Variants in BCL7C observed in about 807,000 individuals in gnomAD.
The protein encoded by BCL7C is BAF chromatin remodeling complex subunit BCL7C.
In BCL7C, 8 loss-of-function variants were observed where a neutral mutation model predicts 26.2. That is an observed-to-expected ratio of 0.30 (90% CI 0.18 to 0.55). BCL7C has a LOEUF of 0.55. Among genes scored for constraint, BCL7C ranks in the 20% least tolerant of loss-of-function variants. The pLI, the probability that BCL7C is intolerant of heterozygous loss-of-function variation, is 0.93. For synonymous variants in BCL7C, 90 were observed against 116.5 expected, an observed-to-expected ratio of 0.77 and a Z score of 1.47; for missense variants, 262 against 298.5, an observed-to-expected ratio of 0.88 and a Z score of 0.90.
At chr16:30,880,359 C>T (rs2055024066) in intron 5 of BCL7C, among the ~76,000 whole-genome samples, 1 of 151,664 alleles carries the variant, frequency 6.6e-6, no homozygotes, top group African/African-American at 2.4e-5. Context: ...GTGAACATGC[C>T]ACTGCACTCC....
intron 5 of BCL7C, among the ~76,000 whole-genome samples, chr16:30,848,891 C>CA (rs58484131): frequency 2.0e-4 from 27 of 131,808 alleles, no homozygotes; most frequent in African/African-American, 6.8e-4. Flanking sequence ...GACTCCATCA[C>CA]AAAAAAAAAA....
At position 30,872,243 on chromosome 16, in the gene BCL7C, G is replaced by A. The variant is rs538562901; in HGVS notation, c.528+16617C>T. 4.6e-5 allele frequency among the ~76,000 whole-genome samples: 7 copies of A among 152,184 alleles called. No homozygotes were observed. The East Asian group carries it at 1.2e-3, about 25-fold the overall frequency. ...GAGGGAGTCATGGTGAATACCCTGC[G>A]GCTGTGCTCCAGGAAAGTGGTCAGT... On this transcript the variant is annotated intron_variant, in intron 5 of 5. Coordinates refer to the BCL7C transcript ENST00000380317.
At chr16:30,846,751 G>A (rs1035861192) in intron 5 of BCL7C, among the ~76,000 whole-genome samples, 1 of 152,212 alleles carries the variant, frequency 6.6e-6, no homozygotes, top group Non-Finnish European at 1.5e-5. Flanking sequence ...CAGACCTGTG[G>A]AGATGGATTT....
chr16:30,888,463 A>T (rs2055170910), intron 5 of BCL7C, among the ~76,000 whole-genome samples: 1 of 151,874 alleles, frequency 6.6e-6, no homozygotes, highest in Non-Finnish European at 1.5e-5. Context: ...TAGCCTCCCG[A>T]GTAGCTGGGA....
intron 5 of BCL7C, among the ~76,000 whole-genome samples, chr16:30,839,859 C>T (rs1052941225): frequency 1.3e-5 from 2 of 152,118 alleles, no homozygotes; most frequent in Admixed American, 6.6e-5. Flanking sequence ...CTGCTAAATG[C>T]GTAGTAATTT....
At chr16:30,838,895 C>A (rs2054585514) in intron 5 of BCL7C, among the ~76,000 whole-genome samples, 1 of 152,180 alleles carries the variant, frequency 6.6e-6, no homozygotes, top group South Asian at 2.1e-4. Flanking sequence ...AAGTTATAGC[C>A]ATTTTATTTC....
chr16:30,868,349 G>A (rs1489098669), intron 5 of BCL7C, among the ~76,000 whole-genome samples: 2 of 147,178 alleles, frequency 1.4e-5, no homozygotes, highest in African/African-American at 5.0e-5. Flanking sequence ...ATGTTAGCCA[G>A]GATGGTCTCC....
chr16:30,861,491 GC>G (rs2054772066), intron 5 of BCL7C, among the ~76,000 whole-genome samples: 2 of 152,316 alleles, frequency 1.3e-5, no homozygotes, highest in Admixed American at 1.3e-4. Flanking sequence ...TTCCTCCTAA[GC>G]CGTGTCCCAT....
chr16:30,867,654 G>A (rs1019469703), intron 5 of BCL7C, among the ~76,000 whole-genome samples: 1 of 152,050 alleles, frequency 6.6e-6, no homozygotes, highest in Non-Finnish European at 1.5e-5. Context: ...TTAGCCAGGC[G>A]TGGTGGCGCA....
At chr16:30,835,771 G>A (rs775143215) in intron 5 of BCL7C, among the ~76,000 whole-genome samples, 25 of 151,746 alleles carry the variant, frequency 1.6e-4, no homozygotes, top group Non-Finnish European at 2.4e-4. Flanking sequence ...TCTTGAACCC[G>A]GTAGACAGAG....
chr16:30,843,935 G>A (rs1762011026), intron 5 of BCL7C, among the ~76,000 whole-genome samples: 1 of 151,298 alleles, frequency 6.6e-6, no homozygotes, highest in Admixed American at 6.6e-5. Context: ...AGCTACTTGG[G>A]ATGCTGCTTG....
At chr16:30,852,087 G>A (rs1436764199) in intron 5 of BCL7C, 1 of 156,448 alleles carries the variant, frequency 6.4e-6, no homozygotes, top group African/African-American at 2.4e-5. Flanking sequence ...TTCAATGAGA[G>A]CTTTCAGTTG....
chr16:30,874,009 T>C (rs2054908659), intron 5 of BCL7C, among the ~76,000 whole-genome samples: 1 of 145,352 alleles, frequency 6.9e-6, no homozygotes, highest in African/African-American at 2.7e-5. Context: ...TTTTTTTTTT[T>C]TTTTGAGACA....
intron 5 of BCL7C, among the ~76,000 whole-genome samples, chr16:30,868,848 A>G (rs2054856041): frequency 6.6e-6 from 1 of 151,846 alleles, no homozygotes; most frequent in South Asian, 2.1e-4. Flanking sequence ...GAAAAATAAT[A>G]CAACAGCAAA....
intron 4 of BCL7C, among the ~76,000 whole-genome samples, chr16:30,891,551 G>A (rs2143175183): frequency 6.6e-6 from 1 of 152,320 alleles, no homozygotes; most frequent in Non-Finnish European, 1.5e-5. Flanking sequence ...AATACTAGCT[G>A]TTGTTATTCC....
intron 5 of BCL7C, among the ~76,000 whole-genome samples, chr16:30,860,311 C>T (rs1254798895): frequency 2.0e-5 from 3 of 152,218 alleles, no homozygotes; most frequent in Non-Finnish European, 4.4e-5. Context: ...CATTCACCCA[C>T]ATTCCCTTGG....
At chr16:30,838,585 C>A (rs901702470) in intron 5 of BCL7C, among the ~76,000 whole-genome samples, 6 of 152,180 alleles carry the variant, frequency 3.9e-5, no homozygotes, top group African/African-American at 1.2e-4. Context: ...GAGTTTGAGA[C>A]CACCCTGGCC....
At chr16:30,862,915 C>T (rs1446594214) in intron 5 of BCL7C, among the ~76,000 whole-genome samples, 1 of 151,280 alleles carries the variant, frequency 6.6e-6, no homozygotes, top group Non-Finnish European at 1.5e-5. Context: ...TGCTCCCACA[C>T]TAGCTCTCCC....
rs1362684462 is a variant in BCL7C, at chr16:30,887,956, G to A, written c.563C>T (p.Pro188Leu). The part of the protein sequence containing the change: ...PEAYPVFEPV[P>L]PVPEAAQGDT... ...ACCCTGGGCTGCCTCAGGGACAGGT[G>A]GCACTGGCTCAAAGACAGGGTAAGC... The change falls in exon 6 of 6, where the codon CCA becomes CTA. Residue 188 changes from proline (P) to leucine (L), a missense_variant. Pro to Leu is a moderately conservative substitution (Grantham distance 98). Coordinates refer to ENST00000215115, the MANE Select transcript of BCL7C (RefSeq NM_004765.4). 1 of 1,606,788 alleles carries A rather than the reference G, an allele frequency of 6.2e-7. No homozygotes were observed. Among genetic ancestry groups the A allele is most frequent in the East Asian group, 2.3e-5 (1 of 43,950 alleles).
Sources: gnomAD v4.1 joint callset for allele counts (sites outside exome capture counted in the v4.1 genomes callset) on GRCh38, gnomAD v4.1.1 for gene constraint, MANE v1.5 for transcripts, NCBI Gene and HGNC (gene_info 2026-07-23, HGNC 2026-07-21) for gene names.